The following ANKRD36C variants were observed in gnomAD, a reference collection of about 807,000 sequenced individuals.
ANKRD36C encodes ankyrin repeat domain 36C, also known as ankyrin repeat domain-containing protein 36C.
A neutral mutation model predicts 276.4 loss-of-function variants in ANKRD36C; 61 were observed. That is an observed-to-expected ratio of 0.22 (90% CI 0.18 to 0.27). ANKRD36C has a LOEUF of 0.27. Ranked by LOEUF, ANKRD36C falls within the 10% of genes least tolerant of loss-of-function variation. ANKRD36C has a pLI of 1.00. For missense variants in ANKRD36C, 1,447 were observed against 2,032.3 expected, an observed-to-expected ratio of 0.71 and a Z score of 5.54; for synonymous variants, 483 against 680.1, an observed-to-expected ratio of 0.71 and a Z score of 4.51.
chr2:95,991,614 T>C (rs1377541760), exon 1 of ANKRD36C: 1 of 1,614,108 alleles, frequency 6.2e-7, no homozygotes, highest in Non-Finnish European at 8.5e-7. Context: ...CCCCTTCAGA[T>C]GATACGGTTT....
chr2:95,889,528 G>A (rs1343468919), intron 48 of ANKRD36C, among the ~76,000 whole-genome samples: 5 of 151,470 alleles, frequency 3.3e-5, no homozygotes, highest in Non-Finnish European at 7.4e-5. Flanking sequence ...AAAGCAAAAT[G>A]ATGCTGTCCC....
chr2:95,983,584 CATTTATTTATTTATTTATTTATTTATTT>C (rs201816275), intron 3 of ANKRD36C, among the ~76,000 whole-genome samples: 1 of 148,656 alleles, frequency 6.7e-6, no homozygotes, highest in African/African-American at 2.5e-5. Context: ...TTATTTGCAT[CATTTATTTATTTATTTATTTATTTATTT>C]ATTTATTTAT....
At chr2:95,974,610 T>A (rs1573814264) in intron 6 of ANKRD36C, among the ~76,000 whole-genome samples, 3 of 152,186 alleles carry the variant, frequency 2.0e-5, no homozygotes, top group Non-Finnish European at 4.4e-5. Flanking sequence ...TCCATGATGT[T>A]ATATAAAAGA....
At chr2:95,963,816 T>C (rs1303877147) in intron 6 of ANKRD36C, among the ~76,000 whole-genome samples, 2 of 119,834 alleles carry the variant, frequency 1.7e-5, no homozygotes, top group Non-Finnish European at 1.7e-5. Flanking sequence ...TTTTTCCACT[T>C]TTGCAAAAAC....
intron 62 of ANKRD36C, among the ~76,000 whole-genome samples, chr2:95,856,798 G>C (rs555555416): frequency 6.6e-6 from 1 of 152,234 alleles, no homozygotes; most frequent in Admixed American, 6.5e-5. Flanking sequence ...ATATAAGCAA[G>C]CTGCAGGATT....
At chr2:95,893,984 A>T (rs567049903) in intron 44 of ANKRD36C, among the ~76,000 whole-genome samples, 11 of 151,602 alleles carry the variant, frequency 7.3e-5, no homozygotes, top group African/African-American at 2.4e-4. Context: ...AACCGTGTCA[A>T]TCTCAATGTG....
intron 58 of ANKRD36C, among the ~76,000 whole-genome samples, chr2:95,879,959 T>C (rs945233866): frequency 2.1e-5 from 3 of 141,566 alleles, no homozygotes; most frequent in Non-Finnish European, 3.0e-5. Context: ...GGCGGGAGGA[T>C]CACCTGAGGT....
intron 6 of ANKRD36C, among the ~76,000 whole-genome samples, chr2:95,965,331 T>A (rs1455560486): frequency 3.3e-5 from 5 of 152,112 alleles, no homozygotes; most frequent in South Asian, 2.1e-4. Flanking sequence ...GAACACTCTA[T>A]AGGGATCAAC....
At chr2:95,912,251 A>G in exon 42 of ANKRD36C, 1 of 1,549,540 alleles carries the variant, frequency 6.5e-7, no homozygotes. Flanking sequence ...TACCTGTCCT[A>G]GATGTTTCTC....
chr2:95,915,898 A>G, intron 38 of ANKRD36C, 82 bp downstream of exon 40: 2 of 1,485,458 alleles, frequency 1.3e-6, no homozygotes, highest in Non-Finnish European at 9.1e-7. Flanking sequence ...TGCAGCTTCG[A>G]CCAGCCCCCC....
chr2:95,913,934 G>C (rs1573761382), intron 40 of ANKRD36C, among the ~76,000 whole-genome samples, 174 bp downstream of exon 42: 1 of 151,428 alleles, frequency 6.6e-6, no homozygotes, highest in Non-Finnish European at 1.5e-5. Flanking sequence ...CAGCGAAGAT[G>C]ATGTTCCAGA....
chr2:95,948,626 A>G (rs1251931590), intron 16 of ANKRD36C, 30 bp from the exon 17 acceptor site: 1 of 1,532,556 alleles, frequency 6.5e-7, no homozygotes, highest in Non-Finnish European at 8.7e-7. Context: ...GAAAAAAATG[A>G]GCACGTTCAT....
At chr2:95,891,910 T>A in intron 44 of ANKRD36C, 50 bp from the exon 65 acceptor site, 2 of 1,548,644 alleles carry the variant, frequency 1.3e-6, no homozygotes, top group Non-Finnish European at 1.7e-6. Context: ...AATGACAAAA[T>A]TATCCACACA....
At chr2:95,920,668 T>C (rs1173471320) in intron 34 of ANKRD36C, among the ~76,000 whole-genome samples, 1 of 133,524 alleles carries the variant, frequency 7.5e-6, no homozygotes, top group Non-Finnish European at 1.7e-5. Flanking sequence ...GCTACAAGCA[T>C]TAGATATTGA....
At chr2:95,940,122 G>C (rs1424231863) in intron 20 of ANKRD36C, among the ~76,000 whole-genome samples, 1 of 152,278 alleles carries the variant, frequency 6.6e-6, no homozygotes, top group African/African-American at 2.4e-5. Flanking sequence ...GGGTTCAAGT[G>C]ATTCTCCTGC....
At chr2:95,951,291 A>AG in intron 15 of ANKRD36C, 57 bp downstream of exon 15, 1 of 1,333,430 alleles carries the variant, frequency 7.5e-7, no homozygotes, top group Admixed American at 2.6e-5. Flanking sequence ...GAAAAAAAAA[A>AG]AAAAAACAAA....
intron 54 of ANKRD36C, among the ~76,000 whole-genome samples, chr2:95,882,913 A>G (rs1217115219): frequency 6.6e-6 from 1 of 152,176 alleles, no homozygotes; most frequent in Non-Finnish European, 1.5e-5. Flanking sequence ...TTGTACTGCA[A>G]GTATTCATCA....
chr2:95,962,531 T>C, exon 7 of ANKRD36C: 1 of 1,600,990 alleles, frequency 6.2e-7, no homozygotes, highest in Non-Finnish European at 8.5e-7. Flanking sequence ...TCAAGGCTGG[T>C]TGTTTCTGAG....
At position 95,892,096 on chromosome 2, in the gene ANKRD36C, G is replaced by A. The variant is rs182977952; in HGVS notation, c.2756-236C>T. On this transcript the variant is annotated intron_variant, in intron 44 of 66. Coordinates refer to ENST00000456556, the Ensembl canonical transcript of ANKRD36C. Reference sequence around the variant, plus strand: ...AACATGGTATGATTTGTCATATGTCGAAAACTAAAATAAAACCGTGTCAAT... The same window carrying A: ...AACATGGTATGATTTGTCATATGTCAAAAACTAAAATAAAACCGTGTCAAT... Among the ~76,000 whole-genome samples the A allele has an allele frequency of 1.6e-4, 24 of 151,524 alleles. 1 individual carries two copies. The highest frequency in any genetic ancestry group is 2.0e-4 in the East Asian group (1 of 5,120).
Sources: gnomAD v4.1 joint callset for allele counts (sites outside exome capture counted in the v4.1 genomes callset) on GRCh38, gnomAD v4.1.1 for gene constraint, MANE v1.5 for transcripts, NCBI Gene and HGNC (gene_info 2026-07-23, HGNC 2026-07-21) for gene names.